KIAA1755: variants seen among roughly 807,000 people sequenced by gnomAD.
KIAA1755 encodes KIAA1755.
KIAA1755 carries 68 observed loss-of-function variants against 91.7 expected under a neutral mutation model. That is an observed-to-expected ratio of 0.74 (90% CI 0.61 to 0.91). The LOEUF (loss-of-function observed/expected upper bound fraction) is 0.91. Among genes scored for constraint, KIAA1755 ranks in the 40% least tolerant of loss-of-function variants. KIAA1755 has a pLI of 0.00. For missense variants in KIAA1755, 1,535 were observed against 1,494.4 expected, an observed-to-expected ratio of 1.03 and a Z score of -0.45; for synonymous variants, 610 against 604.6, an observed-to-expected ratio of 1.01 and a Z score of -0.13.
intron 2 of KIAA1755, among the ~76,000 whole-genome samples, chr20:38,243,351 A>G (rs1175362665): frequency 6.6e-6 from 1 of 152,218 alleles, no homozygotes; most frequent in Non-Finnish European, 1.5e-5. Flanking sequence ...GAAGCTTAAT[A>G]TCCATAAACC....
intron 1 of KIAA1755, among the ~76,000 whole-genome samples, chr20:38,250,931 T>C (rs2123311680): frequency 6.6e-6 from 1 of 152,246 alleles, no homozygotes; most frequent in South Asian, 2.1e-4. Flanking sequence ...ATATTATAAC[T>C]GTTATTACAT....
At chr20:38,250,498 G>GTGTC (rs2076230322) in intron 1 of KIAA1755, among the ~76,000 whole-genome samples, 1 of 136,402 alleles carries the variant, frequency 7.3e-6, no homozygotes, top group South Asian at 2.6e-4. Flanking sequence ...GTGTGTGTGT[G>GTGTC]TGTGTGTGTG....
intron 4 of KIAA1755, among the ~76,000 whole-genome samples, chr20:38,232,210 T>G (rs1340030378): frequency 6.6e-6 from 1 of 152,180 alleles, no homozygotes; most frequent in East Asian, 1.9e-4. Context: ...TGCAAAACCC[T>G]TCACAGCTCA....
Position 38,239,685 on chromosome 20 carries a change from G to C in KIAA1755, c.1590C>G (p.Ala530=). 1.2e-6 allele frequency: 2 copies of C among 1,612,384 alleles called. No individual in the cohort carries two copies. The highest frequency in any genetic ancestry group is 1.7e-6 in the Non-Finnish European group (2 of 1,179,714). The change falls in exon 4 of 14, where the codon GCC becomes GCG. Residue 530 remains alanine, a synonymous_variant. Transcript: ENST00000279024. ...CCTTTTCCTCAGTCAGTGGGCTGGGGGCAGTGGCTGGGCCAGATGTTTTGG... is the reference window on the plus strand; with the variant it reads ...CCTTTTCCTCAGTCAGTGGGCTGGGCGCAGTGGCTGGGCCAGATGTTTTGG... ...TQTKTSGPAT[A]PSPLTEEKAA...
rs1285514145 is a variant in KIAA1755 at position 38,246,104 on chromosome 20, G to C, written c.26C>G (p.Ala9Gly). The C allele has an allele frequency of 6.2e-7, 1 of 1,613,612 alleles. No homozygotes were observed. The highest frequency in any genetic ancestry group is 8.5e-7 in the Non-Finnish European group (1 of 1,179,912). Residue 9 changes from alanine to glycine, a missense_variant, in exon 2 of 14, where the codon GCC becomes GGC. By Grantham distance (60) the Ala-to-Gly change is moderately conservative. Transcript: ENST00000279024. ...GAGGCCCGCCAGGGCATGCTGGATG[G>C]CTGTGTCGAGGGATGGAGGGTCCTG... MDPPSLDTAIQHALAGLYP... is the reference protein window; with the variant it reads MDPPSLDTGIQHALAGLYP...
At position 38,228,214 on chromosome 20, in the gene KIAA1755, G is replaced by C. The variant is rs16987188; in HGVS notation, c.1898C>G (p.Ala633Gly). The C allele has an allele frequency of 6.2e-7, 1 of 1,602,226 alleles. No individual in the cohort carries two copies. Among genetic ancestry groups the C allele is most frequent in the Non-Finnish European group, 8.5e-7 (1 of 1,175,086 alleles). ...CTGTCTCCTGGCGTCAATCAGGACC[G>C]CCAGCCCCTTGGCTTTATCTTCAGG... ...PRPEDKAKGLAVLIDARRQPP... is the reference protein window; with the variant it reads ...PRPEDKAKGLGVLIDARRQPP... The change falls in exon 6 of 14, where the codon GCG (alanine) becomes GGG (glycine). Residue 633 changes from alanine to glycine, a missense_variant. Coordinates refer to ENST00000279024, the MANE Select transcript of KIAA1755 (RefSeq NM_001029864.2).
chr20:38,224,063 C>T (rs922955122), intron 8 of KIAA1755, among the ~76,000 whole-genome samples: 8 of 152,216 alleles, frequency 5.3e-5, no homozygotes, highest in African/African-American at 1.9e-4. Context: ...AGCTCCATCA[C>T]TTACAAGCTG....
At position 38,222,453 on chromosome 20, in the gene KIAA1755, C is replaced by T; in HGVS notation, c.2413G>A (p.Val805Ile). The T allele has an allele frequency of 6.2e-7, 1 of 1,612,712 alleles. No individual in the cohort carries two copies. The stretch of plus-strand genomic sequence containing the variant: ...GAAAGGCCTGGACGTCTGTACCTGA[C>T]ATCAGGGCTGAAGTCCAGCCTGCTG... ...DASRLDFSPD[V>I]RSHLAAATAL... Residue 805 changes from valine (V) to isoleucine (I), a missense_variant, in exon 10 of 14, where the codon GTC (valine) becomes ATC (isoleucine). Coordinates refer to ENST00000279024, the MANE Select transcript of KIAA1755 (RefSeq NM_001029864.2).
rs1056030506 is a variant in KIAA1755, at chr20:38,227,240, C to G, written c.1966G>C (p.Ala656Pro). 1 of 1,612,992 alleles carries G rather than the reference C, an allele frequency of 6.2e-7. No homozygotes were observed. Among genetic ancestry groups the G allele is most frequent in the Non-Finnish European group, 8.5e-7 (1 of 1,179,338 alleles). Residue 656 changes from alanine to proline, a missense_variant and splice_region_variant, in exon 7 of 14, where the codon GCT becomes CCT. By Grantham distance (27) the Ala-to-Pro change is conservative. Transcript: ENST00000279024. ...GCCCGGATAGAGGCTGGGACCTGAGCCTGTCAAAGACAACCACTGCAGAGT... is the reference window on the plus strand; with the variant it reads ...GCCCGGATAGAGGCTGGGACCTGAGGCTGTCAAAGACAACCACTGCAGAGT... ...GLVSALQATQ[A>P]QVPASIRAIL...
At chr20:38,253,501 C>T (rs939016118) in intron 1 of KIAA1755, among the ~76,000 whole-genome samples, 2 of 152,142 alleles carry the variant, frequency 1.3e-5, no homozygotes, top group Admixed American at 1.3e-4. Context: ...CTCCACCACT[C>T]CAGAAAGAGG....
intron 1 of KIAA1755, among the ~76,000 whole-genome samples, chr20:38,251,509 G>C (rs577602227): frequency 1.2e-4 from 18 of 152,088 alleles, no homozygotes; most frequent in African/African-American, 4.3e-4. Flanking sequence ...GAGTGGGGGT[G>C]GGGGGATGTG....
rs1317371144 is a variant in KIAA1755, at chr20:38,231,321, G to A, written c.1752C>T (p.Gly584=). ...FRSRIACLPG[G]RDRAGRPLLL... ...GCAGGGGCCGCCCGGCCCTGTCCCGGCCACCTGGAGGACAGAGGGCACACG... is the reference window on the plus strand; with the variant it reads ...GCAGGGGCCGCCCGGCCCTGTCCCGACCACCTGGAGGACAGAGGGCACACG... Residue 584 remains glycine (G), a synonymous_variant, in exon 5 of 14, where the codon GGC becomes GGT. Coordinates refer to ENST00000279024, the MANE Select transcript of KIAA1755 (RefSeq NM_001029864.2). 3 of 1,607,444 alleles carry A rather than the reference G, an allele frequency of 1.9e-6. No homozygotes were observed. Among genetic ancestry groups the A allele is most frequent in the Non-Finnish European group, 2.5e-6 (3 of 1,178,052 alleles).
intron 4 of KIAA1755, among the ~76,000 whole-genome samples, chr20:38,233,011 G>A (rs567517797): frequency 2.6e-5 from 4 of 152,152 alleles, no homozygotes; most frequent in Admixed American, 1.3e-4. Context: ...AGTCCCAGCT[G>A]CTCAGGAGGC....
At chr20:38,252,453 C>T (rs2076266943) in intron 1 of KIAA1755, among the ~76,000 whole-genome samples, 1 of 152,072 alleles carries the variant, frequency 6.6e-6, no homozygotes, top group African/African-American at 2.4e-5. Context: ...TAGGAATGAC[C>T]CGTTTTGCAA....
chr20:38,255,038 G>A (rs1331346963), intron 1 of KIAA1755, among the ~76,000 whole-genome samples: 1 of 152,116 alleles, frequency 6.6e-6, no homozygotes, highest in Non-Finnish European at 1.5e-5. Context: ...CTAGCCGGGT[G>A]TGGTGGCGGG....
intron 2 of KIAA1755, among the ~76,000 whole-genome samples, chr20:38,244,588 A>T (rs4340591): frequency 2.6e-5 from 4 of 152,162 alleles, no homozygotes; most frequent in African/African-American, 9.7e-5. Context: ...AGGAGGGTGG[A>T]TGTTAATAAC....
intron 2 of KIAA1755, among the ~76,000 whole-genome samples, chr20:38,244,589 T>C (rs765470791): frequency 1.3e-5 from 2 of 152,166 alleles, no homozygotes; most frequent in African/African-American, 2.4e-5. Context: ...GGAGGGTGGA[T>C]GTTAATAACA....
rs2076075069 is a variant in KIAA1755, at chr20:38,241,877, C to G, written c.254G>C (p.Arg85Thr). The G allele has an allele frequency of 6.2e-7, 1 of 1,613,806 alleles. No homozygotes were observed. The highest frequency in any genetic ancestry group is 1.3e-5 in the African/African-American group (1 of 74,922). ...FLHEGWPLCL[R>T]DEVVVHLAPL... ...TGCCAAGTGGACCACAACTTCATCC[C>G]TCAGACAGAGTGGCCAGCCCTCGTG... Residue 85 changes from arginine (R) to threonine (T), a missense_variant, in exon 3 of 14, where the codon AGG (arginine) becomes ACG (threonine). Physicochemically the swap from Arg to Thr is moderately conservative, Grantham distance 71. Transcript: ENST00000279024.
intron 13 of KIAA1755, 91 bp from the exon 14 acceptor site, chr20:38,213,834 G>T: frequency 1.1e-6 from 1 of 892,582 alleles, no homozygotes; most frequent in Non-Finnish European, 1.6e-6. Context: ...CCAGGGCCCC[G>T]CTCAGCTTGG....
Sources: allele counts gnomAD v4.1 joint callset (sites outside exome capture counted in the v4.1 genomes callset), GRCh38; gene constraint gnomAD v4.1.1; transcripts MANE v1.5; gene names NCBI Gene and HGNC (gene_info 2026-07-23, HGNC 2026-07-21).